The following LRRTM4 variants were observed in gnomAD, a reference collection of about 807,000 sequenced individuals.
LRRTM4 encodes the protein leucine rich repeat transmembrane neuronal 4.
LRRTM4 carries 25 observed loss-of-function variants against 47.6 expected under a neutral mutation model. The ratio of observed to expected loss-of-function variants is 0.53; its 90% CI spans 0.38 to 0.73. The LOEUF (loss-of-function observed/expected upper bound fraction) is 0.73, where lower values mean the gene tolerates loss of function less well. Among genes scored for constraint, LRRTM4 ranks in the 30% least tolerant of loss-of-function variants. LRRTM4 has a pLI of 0.00. For synonymous variants in LRRTM4, 311 were observed against 269.5 expected (o/e 1.15, Z -1.51); for missense variants, 638 against 713.4 (o/e 0.89, Z 1.20).
chr2:77,119,426 G>T (rs1159872731), intron 3 of LRRTM4, among the ~76,000 whole-genome samples: 1 of 151,734 alleles, frequency 6.6e-6, no homozygotes, highest in Non-Finnish European at 1.5e-5. Context: ...TCTTCCTTGG[G>T]TGTTAAGAAT....
Position 76,762,464 on chromosome 2 carries a change from A to G in LRRTM4, c.1552-13548T>C, listed in dbSNP as rs188998277. Among the ~76,000 whole-genome samples, 214 of 152,220 alleles carry G rather than the reference A, an allele frequency of 1.4e-3. 2 individuals are homozygous for G. The highest frequency in any genetic ancestry group is 2.8e-3 in the Non-Finnish European group (192 of 68,018). On this transcript the variant is annotated intron_variant, in intron 3 of 3. Transcript: ENST00000409884. ...CTCTCAAACTCTGATTTCATTACTA[A>G]CTACCCTTCACCCCAAACTACTTCA...
At chr2:76,988,867 G>C (rs1007833488) in intron 3 of LRRTM4, among the ~76,000 whole-genome samples, 1 of 151,592 alleles carries the variant, frequency 6.6e-6, no homozygotes, top group African/African-American at 2.4e-5. Flanking sequence ...GGAGGCAGTG[G>C]TATGAGGGAA....
At chr2:76,858,192 A>G (rs78939501) in intron 3 of LRRTM4, among the ~76,000 whole-genome samples, 2,209 of 152,284 alleles carry the variant, frequency 0.015, 53 homozygotes, top group African/African-American at 0.051. Context: ...GATGAGAATA[A>G]CAATTCAATC....
chr2:76,864,891 G>GTT (rs11347923), intron 3 of LRRTM4, among the ~76,000 whole-genome samples: 2 of 138,558 alleles, frequency 1.4e-5, no homozygotes, highest in Non-Finnish European at 1.6e-5. Flanking sequence ...CACTTCAGCT[G>GTT]TTTTTTTTTT....
At chr2:77,295,067 C>T (rs1676933236) in intron 3 of LRRTM4, among the ~76,000 whole-genome samples, 1 of 152,122 alleles carries the variant, frequency 6.6e-6, no homozygotes, top group Non-Finnish European at 1.5e-5. Flanking sequence ...GCCAGCTTTA[C>T]ATATTAGCAA....
intron 3 of LRRTM4, among the ~76,000 whole-genome samples, chr2:77,053,646 C>G (rs974923870): frequency 2.6e-5 from 4 of 152,010 alleles, no homozygotes; most frequent in Non-Finnish European, 4.4e-5. Flanking sequence ...AGCTGCTAGC[C>G]ATTTCAAAAG....
Position 77,220,576 on chromosome 2 carries a change from G to A in LRRTM4, c.1551+297742C>T, listed in dbSNP as rs191235223. ...GATGAATGCACAAGCCTCAGTAACC[G>A]ATGTGATCAACTGGAAGAAAGGGTA... On this transcript the variant is annotated intron_variant, in intron 3 of 3. Coordinates refer to ENST00000409884, the MANE Select transcript of LRRTM4 (RefSeq NM_001134745.3). Among the ~76,000 whole-genome samples, 578 of 152,288 alleles carry A rather than the reference G, an allele frequency of 3.8e-3. 1 individual carries two copies. The highest frequency in any genetic ancestry group is 0.013 in the African/African-American group (542 of 41,550).
chr2:77,440,960 G>T (rs1251892560), intron 3 of LRRTM4, among the ~76,000 whole-genome samples: 1 of 152,162 alleles, frequency 6.6e-6, no homozygotes, highest in East Asian at 1.9e-4. Context: ...TTGTCACTGT[G>T]CAATTGCACA....
intron 3 of LRRTM4, among the ~76,000 whole-genome samples, chr2:77,294,837 C>T (rs1459307943): frequency 2.6e-5 from 4 of 152,092 alleles, no homozygotes; most frequent in Non-Finnish European, 5.9e-5. Context: ...GAATTGAGCT[C>T]AGTTGCAATG....
chr2:77,298,460 T>G (rs930045691), intron 3 of LRRTM4, among the ~76,000 whole-genome samples: 2 of 152,070 alleles, frequency 1.3e-5, no homozygotes, highest in African/African-American at 2.4e-5. Flanking sequence ...GATGGTCTCG[T>G]TCTCCTGACC....
At chr2:76,762,074 G>A (rs559585383) in intron 3 of LRRTM4, among the ~76,000 whole-genome samples, 18 of 152,050 alleles carry the variant, frequency 1.2e-4, no homozygotes, top group Admixed American at 5.2e-4. Context: ...AACTACAGCC[G>A]CTACCCATGC....
intron 3 of LRRTM4, among the ~76,000 whole-genome samples, chr2:77,345,372 G>A (rs935101389): frequency 2.0e-5 from 3 of 151,746 alleles, no homozygotes; most frequent in African/African-American, 7.3e-5. Flanking sequence ...AAGCCAAAGT[G>A]TGGAAAAAAT....
intron 3 of LRRTM4, among the ~76,000 whole-genome samples, chr2:77,128,187 CAAAT>C (rs1015920181): frequency 1.5e-4 from 23 of 150,298 alleles, no homozygotes; most frequent in African/African-American, 4.9e-4. Context: ...GCCTCAGAAA[CAAAT>C]AAAATAAGTG....
chr2:77,228,249 T>A (rs992476432), intron 3 of LRRTM4, among the ~76,000 whole-genome samples: 3 of 152,122 alleles, frequency 2.0e-5, no homozygotes, highest in Non-Finnish European at 4.4e-5. Flanking sequence ...TTTTTCCACA[T>A]AATAAATTTA....
intron 3 of LRRTM4, among the ~76,000 whole-genome samples, chr2:77,208,145 C>T (rs1359836855): frequency 6.6e-6 from 1 of 152,016 alleles, no homozygotes; most frequent in Non-Finnish European, 1.5e-5. Context: ...TCCCAAAGTG[C>T]TGAGATTACA....
At chr2:77,485,223 A>G (rs1446137359) in intron 3 of LRRTM4, among the ~76,000 whole-genome samples, 1 of 152,116 alleles carries the variant, frequency 6.6e-6, no homozygotes, top group Non-Finnish European at 1.5e-5. Flanking sequence ...ATAGTATATA[A>G]ATACAGAATA....
chr2:77,056,609 T>A (rs141911293), intron 3 of LRRTM4, among the ~76,000 whole-genome samples: 6 of 152,244 alleles, frequency 3.9e-5, no homozygotes, highest in Non-Finnish European at 7.4e-5. Context: ...CATAAAGTAA[T>A]AGTACAGTAA....
At chr2:77,386,155 A>G (rs1215170052) in intron 3 of LRRTM4, among the ~76,000 whole-genome samples, 2 of 147,950 alleles carry the variant, frequency 1.4e-5, no homozygotes, top group Non-Finnish European at 3.0e-5. Context: ...ATCCACAAAA[A>G]TAATCGCATT....
intron 3 of LRRTM4, among the ~76,000 whole-genome samples, chr2:77,406,130 T>G (rs961726036): frequency 6.6e-6 from 1 of 151,974 alleles, no homozygotes; most frequent in Admixed American, 6.6e-5. Context: ...CTTCTTTCAG[T>G]GGTGGTAGTG....
Sources: allele counts gnomAD v4.1 joint callset (sites outside exome capture counted in the v4.1 genomes callset), GRCh38; gene constraint gnomAD v4.1.1; transcripts MANE v1.5; gene names NCBI Gene and HGNC (gene_info 2026-07-23, HGNC 2026-07-21).